LUZP1: variants seen among roughly 807,000 people sequenced by gnomAD.
LUZP1 encodes the protein filamin mechanobinding actin cross-linking protein.
LUZP1 carries 25 observed loss-of-function variants against 71.3 expected under a neutral mutation model. The observed-to-expected ratio is 0.35, with a 90% CI of 0.26 to 0.49. LUZP1 has a LOEUF of 0.49. Ranked by LOEUF, LUZP1 falls within the 20% of genes least tolerant of loss-of-function variation. LUZP1 has a pLI of 0.99. For missense variants in LUZP1, 1,142 were observed against 1,300.8 expected (o/e 0.88, Z 1.88); for synonymous variants, 481 against 506.4 (o/e 0.95, Z 0.67).
intron 3 of LUZP1, among the ~76,000 whole-genome samples, chr1:23,106,838 T>G (rs1326038303): frequency 6.6e-6 from 1 of 152,170 alleles, no homozygotes; most frequent in African/African-American, 2.4e-5. Context: ...CTCCACAGTC[T>G]GTTCTCCCAC....
intron 3 of LUZP1, among the ~76,000 whole-genome samples, chr1:23,097,462 G>A (rs1462086463): frequency 1.3e-5 from 2 of 152,158 alleles, no homozygotes; most frequent in Non-Finnish European, 2.9e-5. Context: ...AAGAGCACGT[G>A]ACCAAGACAG....
At chr1:23,130,525 CTTTTTTTTTTTT>C (rs748312616) in intron 2 of LUZP1, among the ~76,000 whole-genome samples, 1 of 117,214 alleles carries the variant, frequency 8.5e-6, no homozygotes, top group African/African-American at 3.2e-5. Flanking sequence ...TAACAGTTAT[CTTTTTTTTTTTT>C]TTTTTTTTTA....
chr1:23,121,018 T>C (rs1348103795), intron 2 of LUZP1, among the ~76,000 whole-genome samples: 1 of 152,184 alleles, frequency 6.6e-6, no homozygotes, highest in Non-Finnish European at 1.5e-5. Context: ...CCCAGAGTAT[T>C]TTATTATGTC....
rs1448137872 is a variant in LUZP1 at position 23,117,510 on chromosome 1, G to GA, written c.-225-8384_-225-8383insT. Among the ~76,000 whole-genome samples the GA allele has an allele frequency of 1.7e-4, 12 of 69,114 alleles. 1 individual carries two copies. Among genetic ancestry groups the GA allele is most frequent in the African/African-American group, 8.8e-4 (12 of 13,668 alleles). The allele number at this position is 69,114 out of a possible 152,430, so 45.3% of individuals were successfully genotyped here. ...CCCCCCCACAATCAGGAAGCCCTGG[G>GA]GGGGGGGGCGGGGGGGGGGAACACC... On this transcript the variant is annotated intron_variant, in intron 2 of 4. Transcript: ENST00000302291.
intron 2 of LUZP1, among the ~76,000 whole-genome samples, chr1:23,140,016 AG>A (rs1165680249): frequency 6.6e-6 from 1 of 151,718 alleles, no homozygotes; most frequent in Non-Finnish European, 1.5e-5. Context: ...TAAGTTTTGG[AG>A]AAGTCAAAGG....
At chr1:23,089,158 G>T in intron 4 of LUZP1, 105 bp from the exon 4 acceptor site, 1 of 1,067,644 alleles carries the variant, frequency 9.4e-7, no homozygotes, top group Non-Finnish European at 1.4e-6. Flanking sequence ...AGCAGAGGCA[G>T]ATATAGCCCA....
intron 2 of LUZP1, among the ~76,000 whole-genome samples, chr1:23,122,699 CG>C (rs1237898660): frequency 6.6e-6 from 1 of 152,194 alleles, no homozygotes; most frequent in Non-Finnish European, 1.5e-5. Flanking sequence ...CTTATTAAAA[CG>C]GGAGTGTTCT....
At chr1:23,171,998 CTT>C (rs1001588783) in intron 1 of LUZP1, among the ~76,000 whole-genome samples, 2 of 152,206 alleles carry the variant, frequency 1.3e-5, no homozygotes, top group African/African-American at 4.8e-5. Flanking sequence ...GTTATGTAAT[CTT>C]GGGCTTTTAG....
At chr1:23,156,687 G>A (rs1042302305) in intron 2 of LUZP1, among the ~76,000 whole-genome samples, 2 of 152,002 alleles carry the variant, frequency 1.3e-5, no homozygotes, top group African/African-American at 2.4e-5. Flanking sequence ...ATTCAATGGC[G>A]CCATCTTGGG....
rs548305009 is a variant in LUZP1, at chr1:23,113,709, G to A, written c.-225-4582C>T. ...ATTCTGACCAACATGGTGAAACCCC[G>A]TCTCTACTAAAAATACAAAAATTAG... On this transcript the variant is annotated intron_variant, in intron 2 of 4. Transcript: ENST00000302291. Among the ~76,000 whole-genome samples the A allele has an allele frequency of 6.6e-5, 10 of 151,510 alleles. No individual in the cohort carries two copies. In the South Asian group the frequency reaches 1.3e-3, roughly 19 times the overall value.
chr1:23,151,813 C>T (rs1289895901), intron 2 of LUZP1, among the ~76,000 whole-genome samples: 2 of 151,948 alleles, frequency 1.3e-5, no homozygotes, highest in Non-Finnish European at 2.9e-5. Context: ...ACCAGCCTGG[C>T]CAATATGGTG....
chr1:23,118,049 C>A (rs1004118522), intron 2 of LUZP1, among the ~76,000 whole-genome samples: 1 of 151,746 alleles, frequency 6.6e-6, no homozygotes, highest in Non-Finnish European at 1.5e-5. Flanking sequence ...GAGATTGCGC[C>A]ACTGCACTCC....
intron 1 of LUZP1, among the ~76,000 whole-genome samples, chr1:23,171,736 G>A (rs1250677391): frequency 6.6e-6 from 1 of 152,230 alleles, no homozygotes; most frequent in African/African-American, 2.4e-5. Context: ...CACTTCCTGT[G>A]AAAAGTAATC....
intron 2 of LUZP1, among the ~76,000 whole-genome samples, chr1:23,116,584 T>TAA (rs71848574): frequency 0.036 from 4,793 of 132,798 alleles, 279 homozygotes; most frequent in African/African-American, 0.12. Context: ...ACTGGACTGT[T>TAA]AAAAAAAAAA....
rs1643873830 is a variant in LUZP1, at chr1:23,093,230, C to A, written c.1032G>T (p.Lys344Asn). 1.2e-6 allele frequency: 2 copies of A among 1,614,070 alleles called. No individual in the cohort carries two copies. Among genetic ancestry groups the A allele is most frequent in the Admixed American group, 1.7e-5 (1 of 60,028 alleles). ...ACTCTTTCTGTTTCTTGATTTGTAG[C>A]TTTATCTCCTCCAGTTGGCTGGCTA... The change falls in exon 4 of 5, where the codon AAG becomes AAT. Residue 344 changes from lysine to asparagine, a missense_variant. Physicochemically the swap from Lys to Asn is moderately conservative, Grantham distance 94. Coordinates refer to ENST00000302291, the Ensembl canonical transcript of LUZP1. This position sits in a 1 kb window ranked among gnomAD's most constrained non-coding sequence, Gnocchi z 4.2.
rs903983438 is a variant in LUZP1, at chr1:23,120,801, GCTAAC to G, written c.-225-11679_-225-11675del. On this transcript the variant is annotated intron_variant, in intron 2 of 4. Transcript: ENST00000302291. ...TTGAGGCTCATATTTTAAATACTTT[GCTAAC>G]CTAAGGCAAGCTGATATCAACTAAA... 4.3e-4 allele frequency among the ~76,000 whole-genome samples: 65 copies of G among 151,990 alleles called. 3 individuals carry two copies.
intron 4 of LUZP1, chr1:23,090,774 C>T (rs531255168): frequency 1.2e-5 from 8 of 687,236 alleles, no homozygotes; most frequent in East Asian, 1.1e-4. Context: ...CTGGCTCCCC[C>T]TCACTGTGCC....
intron 2 of LUZP1, among the ~76,000 whole-genome samples, chr1:23,155,041 T>C (rs1644411577): frequency 6.6e-6 from 1 of 152,088 alleles, no homozygotes; most frequent in South Asian, 2.1e-4. Context: ...TTTTCGCATA[T>C]GTTGGAAAAT....
chr1:23,090,977 T>C (rs539593759), intron 4 of LUZP1: 659 of 719,920 alleles, frequency 9.2e-4, no homozygotes, highest in Admixed American at 2.1e-3. Flanking sequence ...AGACAACAAA[T>C]TGGAAAAGGG....
Sources: gnomAD v4.1 joint callset for allele counts (sites outside exome capture counted in the v4.1 genomes callset) on GRCh38, gnomAD v4.1.1 for gene constraint, Gnocchi (gnomAD v3.1) non-coding constraint, MANE v1.5 for transcripts, NCBI Gene and HGNC (gene_info 2026-07-23, HGNC 2026-07-21) for gene names.